ZSCAN25: variants seen among roughly 807,000 people sequenced by gnomAD.
ZSCAN25 encodes zinc finger and SCAN domain-containing protein 25.
ZSCAN25 carries 27 observed loss-of-function variants against 38.7 expected under a neutral mutation model. That is an observed-to-expected ratio of 0.70 (90% CI 0.51 to 0.96). The LOEUF is 0.96. Ranked by LOEUF, ZSCAN25 falls within the 40% of genes least tolerant of loss-of-function variation. The pLI is 0.00. For synonymous variants in ZSCAN25, 273 were observed against 277.7 expected (o/e 0.98, Z 0.17); for missense variants, 637 against 705.9 (o/e 0.90, Z 1.11).
chr7:99,690,147 A>G, the ZSCAN25 span, among the ~76,000 whole-genome samples: 1 of 152,236 alleles, frequency 6.6e-6, no homozygotes, highest in African/African-American at 2.4e-5. Context: ...AGAATGCCAC[A>G]TATCTACAAC....
chr7:99,677,850 G>A, the ZSCAN25 span, among the ~76,000 whole-genome samples: 3 of 152,194 alleles, frequency 2.0e-5, no homozygotes, highest in African/African-American at 4.8e-5. Context: ...TGACCTCTCA[G>A]GTGAGGACAA....
the ZSCAN25 span, among the ~76,000 whole-genome samples, chr7:99,724,131 G>A: frequency 6.6e-6 from 1 of 151,882 alleles, no homozygotes; most frequent in African/African-American, 2.4e-5. Context: ...TTTTCTCTGG[G>A]CTTGCCCCCT....
the ZSCAN25 span, chr7:99,666,868 TGGAAAC>T: frequency 6.3e-7 from 1 of 1,593,136 alleles, no homozygotes. Context: ...GACTACCCCT[TGGAAAC>T]GGACTGTGAT....
the ZSCAN25 span, chr7:99,714,807 A>G: frequency 1.3e-6 from 2 of 1,487,338 alleles, no homozygotes; most frequent in Non-Finnish European, 1.8e-6. Flanking sequence ...ACTGGAAGCC[A>G]TTCCTTCTAT....
the ZSCAN25 span, among the ~76,000 whole-genome samples, chr7:99,706,557 T>G: frequency 2.0e-5 from 3 of 152,342 alleles, no homozygotes; most frequent in East Asian, 5.8e-4. Flanking sequence ...AAATAAGATT[T>G]ATAGGGTCTT....
At chr7:99,718,693 A>T in the ZSCAN25 span, among the ~76,000 whole-genome samples, 5 of 152,320 alleles carry the variant, frequency 3.3e-5, 1 homozygote, top group African/African-American at 1.2e-4. Flanking sequence ...AGGCATACAG[A>T]TTGGAAAGGA....
the ZSCAN25 span, among the ~76,000 whole-genome samples, chr7:99,668,656 T>G: frequency 6.6e-6 from 1 of 152,212 alleles, no homozygotes; most frequent in Non-Finnish European, 1.5e-5. Context: ...TTAAAAGCCA[T>G]TAAAATTAAC....
the ZSCAN25 span, chr7:99,667,143 A>T: frequency 7.5e-7 from 1 of 1,333,564 alleles, no homozygotes; most frequent in Admixed American, 2.1e-5. Context: ...TTGAAGAGGC[A>T]TCCTTATTTA....
At chr7:99,695,878 A>G in the ZSCAN25 span, 1 of 1,580,370 alleles carries the variant, frequency 6.3e-7, no homozygotes, top group Non-Finnish European at 8.7e-7. Flanking sequence ...AGGGATTGTG[A>G]CTTTATAGAT....
the ZSCAN25 span, chr7:99,672,778 C>A: frequency 6.3e-7 from 1 of 1,580,916 alleles, no homozygotes; most frequent in East Asian, 2.3e-5. Context: ...GTTATGTAAT[C>A]CATACCCCTA....
At position 99,629,090 on chromosome 7, in the gene ZSCAN25, A is replaced by G; in HGVS notation, c.806-101A>G. 1 of 1,475,648 alleles carries G rather than the reference A, an allele frequency of 6.8e-7. No homozygotes were observed. The allele number at this position is 1,475,648 out of a possible 1,614,324, so 91.4% of individuals were successfully genotyped here. Reference sequence around the variant, plus strand: ...TTGAGGTTGTTGGTCAAAGGAAAAAAGAGAAGGAACCATGAATGGGACCCC... The same window carrying G: ...TTGAGGTTGTTGGTCAAAGGAAAAAGGAGAAGGAACCATGAATGGGACCCC... On this transcript the variant is annotated intron_variant, in intron 7 of 7. Transcript: ENST00000394152. The surrounding 1 kb of genome is among the most constrained non-coding windows in gnomAD (Gnocchi z 5.6).
chr7:99,669,639 G>A, the ZSCAN25 span, among the ~76,000 whole-genome samples: 1 of 152,112 alleles, frequency 6.6e-6, no homozygotes, highest in Non-Finnish European at 1.5e-5. Flanking sequence ...TTTATGCTTT[G>A]GTGATGGATG....
intron 7 of ZSCAN25, 43 bp downstream of exon 7, chr7:99,624,223 G>GAAAGCTC: frequency 6.2e-7 from 1 of 1,611,746 alleles, no homozygotes; most frequent in Non-Finnish European, 8.5e-7. Context: ...GGGGAGTTCT[G>GAAAGCTC]AAAGCTCAGG....
chr7:99,640,946 C>A, the ZSCAN25 span, among the ~76,000 whole-genome samples: 2 of 152,150 alleles, frequency 1.3e-5, no homozygotes, highest in Non-Finnish European at 2.9e-5. Flanking sequence ...ATACACTAGC[C>A]GTAGCTCTGT....
At chr7:99,636,254 C>A (rs1433668059), downstream of ZSCAN25, among the ~76,000 whole-genome samples, 1 of 152,052 alleles carries the variant, frequency 6.6e-6, no homozygotes, top group Non-Finnish European at 1.5e-5. Flanking sequence ...TAGAAAGCAA[C>A]CAGTGTTCTT....
At chr7:99,647,305 A>G in the ZSCAN25 span, among the ~76,000 whole-genome samples, 2 of 152,200 alleles carry the variant, frequency 1.3e-5, no homozygotes, top group African/African-American at 4.8e-5. Flanking sequence ...TGGAGCCACC[A>G]TGACTCTCTT....
the ZSCAN25 span, chr7:99,647,654 A>G: frequency 2.0e-6 from 2 of 985,340 alleles, no homozygotes; most frequent in East Asian, 1.1e-4. Flanking sequence ...GCAGAATGAA[A>G]CTATGAATAT....
At chr7:99,685,241 A>G in the ZSCAN25 span, 1 of 1,613,536 alleles carries the variant, frequency 6.2e-7, no homozygotes, top group Non-Finnish European at 8.5e-7. Flanking sequence ...GGGATCTGCA[A>G]CAGTTAAACA....
chr7:99,676,187 T>C, the ZSCAN25 span: 1 of 1,613,720 alleles, frequency 6.2e-7, no homozygotes, highest in Non-Finnish European at 8.5e-7. Flanking sequence ...TCTTAAAAAG[T>C]CCATGTGTAC....
Sources: allele counts gnomAD v4.1 joint callset (sites outside exome capture counted in the v4.1 genomes callset), GRCh38; gene constraint gnomAD v4.1.1; non-coding constraint Gnocchi (gnomAD v3.1); transcripts MANE v1.5; gene names NCBI Gene and HGNC (gene_info 2026-07-23, HGNC 2026-07-21).